The following KAZN variants were observed in gnomAD, a reference collection of about 807,000 sequenced individuals.
The protein encoded by KAZN is kazrin.
In KAZN, 40 loss-of-function variants were observed where a neutral mutation model predicts 87.4. The ratio of observed to expected loss-of-function variants is 0.46; its 90% CI spans 0.36 to 0.60. The LOEUF is 0.60. KAZN is among the 20% of genes least tolerant of loss of function. The probability of loss-of-function intolerance (pLI) is 0.00; values close to 1 mark genes in which losing one functional copy is unlikely to be tolerated. For synonymous variants in KAZN, 466 were observed against 458.3 expected, an observed-to-expected ratio of 1.02 and a Z score of -0.22; for missense variants, 898 against 1,073.9, an observed-to-expected ratio of 0.84 and a Z score of 2.29.
chr1:14,265,216 A>G (rs1651380503), intron 2 of KAZN, among the ~76,000 whole-genome samples: 1 of 152,206 alleles, frequency 6.6e-6, no homozygotes, highest in Non-Finnish European at 1.5e-5. Flanking sequence ...AAGGTCTAAC[A>G]CTATTGTGGC....
intron 2 of KAZN, among the ~76,000 whole-genome samples, chr1:14,372,085 A>G (rs910506713): frequency 1.3e-5 from 2 of 152,224 alleles, no homozygotes; most frequent in African/African-American, 4.8e-5. Context: ...AACAGACTGA[A>G]AACAAGTTCA....
chr1:14,446,633 A>G (rs58598839), intron 2 of KAZN, among the ~76,000 whole-genome samples: 3,810 of 152,134 alleles, frequency 0.025, 187 homozygotes, highest in East Asian at 0.17. Flanking sequence ...TCCCCATCCA[A>G]CGTATTCAAA....
chr1:14,774,014 G>A (rs1006365347), intron 1 of KAZN, among the ~76,000 whole-genome samples: 5 of 152,188 alleles, frequency 3.3e-5, no homozygotes, highest in South Asian at 2.1e-4. Flanking sequence ...CTGAGCTGCC[G>A]CCATTTTCAA....
At chr1:14,574,868 G>A (rs139375350) in intron 2 of KAZN, among the ~76,000 whole-genome samples, 1,914 of 152,294 alleles carry the variant, frequency 0.013, 87 homozygotes, top group Admixed American at 0.082. Context: ...TGCTCAGAGC[G>A]CACAGAGCAG....
At chr1:14,318,115 T>A (rs894209232) in intron 2 of KAZN, among the ~76,000 whole-genome samples, 2 of 152,096 alleles carry the variant, frequency 1.3e-5, no homozygotes, top group Non-Finnish European at 2.9e-5. Flanking sequence ...CAGGTATTTA[T>A]CTTTTAAAGG....
chr1:14,068,957 CCTG>C (rs2101548067), intron 1 of KAZN, among the ~76,000 whole-genome samples: 1 of 152,136 alleles, frequency 6.6e-6, no homozygotes, highest in East Asian at 1.9e-4. Flanking sequence ...TGCCACCACG[CCTG>C]GTTAATTTTT....
At chr1:14,591,034 G>T (rs1293057436) in intron 2 of KAZN, among the ~76,000 whole-genome samples, 1 of 152,134 alleles carries the variant, frequency 6.6e-6, no homozygotes, top group Non-Finnish European at 1.5e-5. Flanking sequence ...CTGTAGAGAG[G>T]GTGCCTTCGC....
chr1:14,394,035 T>C (rs1238331086), intron 2 of KAZN, among the ~76,000 whole-genome samples: 5 of 152,210 alleles, frequency 3.3e-5, no homozygotes, highest in Non-Finnish European at 5.9e-5. Flanking sequence ...TATCTTTTGC[T>C]GTGCAGCTGC....
chr1:14,072,697 T>C (rs568796693), intron 1 of KAZN, among the ~76,000 whole-genome samples: 1 of 152,304 alleles, frequency 6.6e-6, no homozygotes, highest in African/African-American at 2.4e-5. Flanking sequence ...AGTCCTAGCT[T>C]TAGTTCCAGC....
chr1:14,135,044 T>C (rs559521326), intron 1 of KAZN, among the ~76,000 whole-genome samples: 8 of 151,836 alleles, frequency 5.3e-5, no homozygotes, highest in African/African-American at 1.7e-4. Flanking sequence ...TTCACACTTA[T>C]TATTACATTG....
chr1:14,246,104 A>T (rs1009165620), intron 2 of KAZN, among the ~76,000 whole-genome samples: 2 of 152,206 alleles, frequency 1.3e-5, no homozygotes, highest in South Asian at 4.1e-4. Flanking sequence ...GTTCTTACTT[A>T]TAAGTGAGAG....
At chr1:14,022,843 G>T (rs1225643812) in intron 1 of KAZN, among the ~76,000 whole-genome samples, 1 of 152,156 alleles carries the variant, frequency 6.6e-6, no homozygotes, top group Admixed American at 6.5e-5. Context: ...TCAGTGCAAA[G>T]ACACTGATTA....
chr1:15,088,013 C>G (rs1297057400), intron 8 of KAZN, among the ~76,000 whole-genome samples: 5 of 152,226 alleles, frequency 3.3e-5, no homozygotes, highest in African/African-American at 4.8e-5. Context: ...AGCTGGGATT[C>G]AAACCCAGGG....
intron 1 of KAZN, among the ~76,000 whole-genome samples, chr1:14,819,364 A>T (rs1178005934): frequency 6.6e-6 from 1 of 152,166 alleles, no homozygotes; most frequent in African/African-American, 2.4e-5. Flanking sequence ...GTTCCATCAA[A>T]CACGAGTTCA....
At chr1:14,904,605 C>T (rs1327037297) in intron 1 of KAZN, among the ~76,000 whole-genome samples, 11 of 152,202 alleles carry the variant, frequency 7.2e-5, no homozygotes, top group African/African-American at 2.2e-4. Context: ...GTCAGATTCC[C>T]GACTAGAGAA....
chr1:14,996,343 G>GAC lies in KAZN; in HGVS notation c.418+35471_418+35472dup, dbSNP rs2101983222. Among the ~76,000 whole-genome samples, 1 of 152,212 alleles carries GAC rather than the reference G, an allele frequency of 6.6e-6. No individual in the cohort carries two copies. Among genetic ancestry groups the GAC allele is most frequent in the African/African-American group, 2.4e-5 (1 of 41,560 alleles). On this transcript the variant is annotated intron_variant, in intron 2 of 14. Coordinates refer to ENST00000376030, the MANE Select transcript of KAZN (RefSeq NM_201628.3). This position sits in a 1 kb window ranked among gnomAD's most constrained non-coding sequence, Gnocchi z 5.9. The stretch of plus-strand genomic sequence containing the variant: ...CCTCAGTCCCTTCTCCCTGGGTCCT[G>GAC]ACACTGGATTTTAACATATTGGGTT...
intron 1 of KAZN, among the ~76,000 whole-genome samples, chr1:14,052,704 G>A (rs2101472328): frequency 6.6e-6 from 1 of 152,338 alleles, no homozygotes; most frequent in Non-Finnish European, 1.5e-5. Flanking sequence ...GCAGCAAAAG[G>A]AGACTGAGAA....
intron 1 of KAZN, among the ~76,000 whole-genome samples, chr1:14,945,418 G>C (rs906722429): frequency 6.6e-6 from 1 of 152,228 alleles, no homozygotes; most frequent in African/African-American, 2.4e-5. Flanking sequence ...TCCAGAGGGA[G>C]GATCCAGTTT....
In KAZN at chr1:15,065,666, A is replaced by G; in HGVS notation, c.1135A>G (p.Lys379Glu). The part of the protein sequence containing the change: ...EDLEDQKRKK[K>E]KEKMGFGSIS... ...TCTTGAAGACCAAAAACGGAAAAAGAAGAAAGAGAAGATGGGATTCGGCTC... is the reference window on the plus strand; with the variant it reads ...TCTTGAAGACCAAAAACGGAAAAAGGAGAAAGAGAAGATGGGATTCGGCTC... Residue 379 changes from lysine to glutamate, a missense_variant, in exon 8 of 15, where the codon AAG becomes GAG. Physicochemically the swap from Lys to Glu is moderately conservative, Grantham distance 56 (BLOSUM62 1). Transcript: ENST00000376030. 6.2e-7 allele frequency: 1 copy of G among 1,614,110 alleles called. No homozygotes were observed. The highest frequency in any genetic ancestry group is 8.5e-7 in the Non-Finnish European group (1 of 1,179,938).
Sources: gnomAD v4.1 joint callset for allele counts (sites outside exome capture counted in the v4.1 genomes callset) on GRCh38, gnomAD v4.1.1 for gene constraint, Gnocchi (gnomAD v3.1) non-coding constraint, MANE v1.5 for transcripts, NCBI Gene and HGNC (gene_info 2026-07-23, HGNC 2026-07-21) for gene names.